DLC1: variants seen among roughly 807,000 people sequenced by gnomAD.
DLC1 encodes rho GTPase-activating protein 7.
DLC1 carries 54 observed loss-of-function variants against 140.3 expected under a neutral mutation model. The observed-to-expected ratio is 0.38, with a 90% CI of 0.31 to 0.48. The LOEUF (loss-of-function observed/expected upper bound fraction) is 0.48, where lower values mean the gene tolerates loss of function less well. Among genes scored for constraint, DLC1 ranks in the 20% least tolerant of loss-of-function variants. The probability of loss-of-function intolerance (pLI) is 0.96; values close to 1 mark genes in which losing one functional copy is unlikely to be tolerated. For missense variants in DLC1, 2,536 were observed against 1,907.0 expected, an observed-to-expected ratio of 1.33 and a Z score of -6.14; for synonymous variants, 986 against 728.1, an observed-to-expected ratio of 1.35 and a Z score of -5.70.
At chr8:13,489,448 C>CACACACACAA (rs879327958) in intron 2 of DLC1, among the ~76,000 whole-genome samples, 1 of 147,794 alleles carries the variant, frequency 6.8e-6, no homozygotes. Flanking sequence ...CACACACACA[C>CACACACACAA]AAAATGTTGC....
At chr8:13,369,936 G>C (rs1421865515) in intron 4 of DLC1, among the ~76,000 whole-genome samples, 1 of 150,306 alleles carries the variant, frequency 6.7e-6, no homozygotes, top group African/African-American at 2.5e-5. Context: ...AATGGAAAAA[G>C]GAAAAAAAAG....
At chr8:13,116,312 G>C (rs1465258196) in intron 5 of DLC1, 1 of 842,240 alleles carries the variant, frequency 1.2e-6, no homozygotes, top group South Asian at 5.5e-5. Flanking sequence ...TTCACATCTT[G>C]TAGATAGAAT....
Position 13,153,455 on chromosome 8 carries a change from C to T in DLC1, c.1349-37798G>A, listed in dbSNP as rs183638955. ...GAGCGAGCAGCAGCAAGATTTAATG[C>T]AGAAACTTAAAAACACCAAAGCTTC... On this transcript the variant is annotated intron_variant, in intron 5 of 17. Transcript: ENST00000276297. Among the ~76,000 whole-genome samples the T allele has an allele frequency of 2.3e-3, 353 of 152,318 alleles. 2 individuals carry two copies. The highest frequency in any genetic ancestry group is 8.1e-3 in the African/African-American group (335 of 41,570).
At chr8:13,415,898 C>T (rs1838033543) in intron 2 of DLC1, among the ~76,000 whole-genome samples, 1 of 152,096 alleles carries the variant, frequency 6.6e-6, no homozygotes, top group Non-Finnish European at 1.5e-5. Context: ...CCCAAGAAGT[C>T]CAACTGATGT....
intron 2 of DLC1, among the ~76,000 whole-genome samples, chr8:13,410,754 A>G (rs1157751720): frequency 2.6e-5 from 4 of 152,188 alleles, no homozygotes; most frequent in African/African-American, 9.6e-5. Context: ...TGTACAACTA[A>G]TTTGTTATGT....
intron 2 of DLC1, among the ~76,000 whole-genome samples, chr8:13,453,387 G>GATATATATATATATATATATATATAT (rs375440831): frequency 1.9e-5 from 1 of 52,446 alleles, no homozygotes; most frequent in African/African-American, 7.6e-5. Flanking sequence ...GATGGCCCAG[G>GATATATATATATATATATATATATAT]ATATATATAT....
chr8:13,490,440 A>C (rs1208025868), intron 2 of DLC1, among the ~76,000 whole-genome samples: 1 of 152,200 alleles, frequency 6.6e-6, no homozygotes, highest in African/African-American at 2.4e-5. Context: ...TCTTGTTGGC[A>C]GCAAGGGATA....
At chr8:13,294,423 CTATAGTTA>C (rs1402716404) in intron 5 of DLC1, among the ~76,000 whole-genome samples, 1 of 152,102 alleles carries the variant, frequency 6.6e-6, no homozygotes, top group Non-Finnish European at 1.5e-5. Context: ...ACTTGATGTG[CTATAGTTA>C]TATCATTTCG....
intron 5 of DLC1, among the ~76,000 whole-genome samples, chr8:13,136,954 G>A (rs890944038): frequency 6.6e-6 from 1 of 152,086 alleles, no homozygotes; most frequent in African/African-American, 2.4e-5. Flanking sequence ...GGTTTTACGA[G>A]GCTTGAATAA....
At chr8:13,526,194 C>G (rs1802917617) in intron 1 of DLC1, among the ~76,000 whole-genome samples, 1 of 152,126 alleles carries the variant, frequency 6.6e-6, no homozygotes, top group African/African-American at 2.4e-5. Context: ...GCATACAATA[C>G]CACACTGCAT....
intron 13 of DLC1, among the ~76,000 whole-genome samples, chr8:13,091,739 A>C (rs1242749063): frequency 2.6e-5 from 4 of 152,162 alleles, no homozygotes; most frequent in Non-Finnish European, 5.9e-5. Context: ...GTGGGGGAGC[A>C]ACTTCTGAGG....
chr8:13,170,204 T>A (rs531887967), intron 5 of DLC1, among the ~76,000 whole-genome samples: 1 of 152,198 alleles, frequency 6.6e-6, no homozygotes, highest in Admixed American at 6.5e-5. Flanking sequence ...TCTTTAGAGA[T>A]GGAGATGTTA....
intron 4 of DLC1, among the ~76,000 whole-genome samples, chr8:13,352,589 C>CT (rs1463716245): frequency 2.0e-5 from 3 of 152,106 alleles, no homozygotes; most frequent in Admixed American, 6.5e-5. Context: ...CTATGTTGCC[C>CT]AGGCTGGCCT....
intron 1 of DLC1, among the ~76,000 whole-genome samples, chr8:13,541,498 T>A (rs965667589): frequency 1.3e-5 from 2 of 152,180 alleles, no homozygotes; most frequent in African/African-American, 4.8e-5. Context: ...TGTAGTGTTA[T>A]CTAATTGTGG....
intron 5 of DLC1, among the ~76,000 whole-genome samples, chr8:13,205,037 A>C (rs577214165): frequency 5.9e-5 from 9 of 152,218 alleles, no homozygotes; most frequent in Non-Finnish European, 8.8e-5. Flanking sequence ...GCATTTTGCA[A>C]TCCCATGTTA....
intron 15 of DLC1, 134 bp downstream of exon 15, chr8:13,090,118 C>T (rs1365249913): frequency 1.3e-5 from 10 of 771,374 alleles, no homozygotes; most frequent in African/African-American, 1.8e-5. Flanking sequence ...TTACTCACCC[C>T]GGTGCCCAGC....
rs77171908 is a variant in DLC1 at position 13,361,217 on chromosome 8, G to A, written c.1314+32336C>T. Among the ~76,000 whole-genome samples the A allele has an allele frequency of 3.3e-5, 5 of 152,150 alleles. No individual in the cohort carries two copies. The East Asian group carries it at 5.8e-4, about 18-fold the overall frequency. ...ACTGCACTCCAGCCTGGGCGACGGA[G>A]TGAGACCTTGTCTCAGAAAAACAAT... On this transcript the variant is annotated intron_variant, in intron 4 of 17. Transcript: ENST00000276297.
intron 2 of DLC1, among the ~76,000 whole-genome samples, chr8:13,482,576 A>G (rs1473470871): frequency 6.6e-6 from 1 of 152,190 alleles, no homozygotes; most frequent in African/African-American, 2.4e-5. Context: ...AATAAGGTAC[A>G]TTTAATGTAG....
chr8:13,571,153 G>A (rs1188856817), intron 1 of DLC1, among the ~76,000 whole-genome samples: 2 of 152,132 alleles, frequency 1.3e-5, no homozygotes, highest in East Asian at 3.9e-4. Flanking sequence ...GAACACCAAA[G>A]ATAGTTTATT....
Sources: allele counts gnomAD v4.1 joint callset (sites outside exome capture counted in the v4.1 genomes callset), GRCh38; gene constraint gnomAD v4.1.1; transcripts MANE v1.5; gene names NCBI Gene and HGNC (gene_info 2026-07-23, HGNC 2026-07-21).